LRRN4: variants seen among roughly 807,000 people sequenced by gnomAD.
LRRN4 encodes the protein leucine-rich repeat neuronal protein 4.
In LRRN4, 26 loss-of-function variants were observed where a neutral mutation model predicts 22.3. The observed-to-expected ratio is 1.16, with a 90% confidence interval of 0.85 to 1.62. The LOEUF (loss-of-function observed/expected upper bound fraction) is 1.62, where lower values mean the gene tolerates loss of function less well. Ranked by LOEUF, LRRN4 falls within the 40% of genes most tolerant of loss-of-function variation. The probability of loss-of-function intolerance (pLI) is 0.00; values close to 1 mark genes in which losing one functional copy is unlikely to be tolerated. For missense variants in LRRN4, 1,070 were observed against 1,008.5 expected, an observed-to-expected ratio of 1.06 and a Z score of -0.83; for synonymous variants, 496 against 486.2, an observed-to-expected ratio of 1.02 and a Z score of -0.26.
In LRRN4 at chr20:6,041,966, C is replaced by T. The variant is rs1371896486; in HGVS notation, c.1279G>A (p.Glu427Lys). 6.2e-7 allele frequency: 1 copy of T among 1,613,992 alleles called. No individual in the cohort carries two copies. The highest frequency in any genetic ancestry group is 8.5e-7 in the Non-Finnish European group (1 of 1,180,036). The change falls in exon 5 of 5, where the codon GAG becomes AAG. Residue 427 changes from glutamate to lysine, a missense_variant. Physicochemically the swap from Glu to Lys is moderately conservative, Grantham distance 56. Coordinates refer to ENST00000378858, the MANE Select transcript of LRRN4 (RefSeq NM_152611.5). This position sits in a 1 kb window ranked among gnomAD's most constrained non-coding sequence, Gnocchi z 9.4. ...IAAWPHSDAR[E>K]GTAPSTTNSV... The stretch of plus-strand genomic sequence containing the variant: ...TTGGTCGTGGAGGGGGCAGTCCCCT[C>T]CCGTGCATCGCTGTGCGGCCATGCA...
In LRRN4 at chr20:6,040,980, C is replaced by T. The variant is rs758901189; in HGVS notation, c.*42G>A. On this transcript the variant is annotated 3_prime_UTR_variant, in exon 5 of 5. Coordinates refer to ENST00000378858, the MANE Select transcript of LRRN4 (RefSeq NM_152611.5). Reference sequence around the variant, plus strand: ...GACCGTCTGTGTCTTCCTTTTTGCGCTCAGATCCAGTTCGATGAGACGCGT... The same window carrying T: ...GACCGTCTGTGTCTTCCTTTTTGCGTTCAGATCCAGTTCGATGAGACGCGT... 5 of 1,607,214 alleles carry T rather than the reference C, an allele frequency of 3.1e-6. No individual in the cohort carries two copies. Among genetic ancestry groups the T allele is most frequent in the Middle Eastern group, 1.7e-4 (1 of 6,012 alleles).
intron 4 of LRRN4, among the ~76,000 whole-genome samples, chr20:6,043,841 G>A (rs1367412772): frequency 6.6e-6 from 1 of 152,014 alleles, no homozygotes; most frequent in Non-Finnish European, 1.5e-5. Context: ...CCAGGAGGTT[G>A]AGGCTGTAAT....
chr20:6,048,905 A>G (rs548706982), intron 3 of LRRN4, among the ~76,000 whole-genome samples: 1 of 152,354 alleles, frequency 6.6e-6, no homozygotes, highest in Non-Finnish European at 1.5e-5. Flanking sequence ...ATAAGTGGAA[A>G]TAGGCAAGGA....
chr20:6,051,609 C>T (rs893056344), intron 2 of LRRN4, among the ~76,000 whole-genome samples: 1 of 152,224 alleles, frequency 6.6e-6, no homozygotes, highest in Non-Finnish European at 1.5e-5. Flanking sequence ...TCACCACTCT[C>T]CTGTGGCTTG....
chr20:6,044,420 G>T, intron 4 of LRRN4, 123 bp downstream of exon 4: 2 of 1,029,560 alleles, frequency 1.9e-6, no homozygotes, highest in Non-Finnish European at 2.6e-6. Context: ...CATGGGAAAG[G>T]CTGCCCAGCC....
chr20:6,045,488 A>C (rs1020269467), intron 3 of LRRN4, among the ~76,000 whole-genome samples: 16 of 148,538 alleles, frequency 1.1e-4, no homozygotes, highest in East Asian at 5.9e-4. Flanking sequence ...CACACACACA[A>C]AAAAGAATGC....
rs149199575 is a variant in LRRN4 at position 6,052,881 on chromosome 20, T to C, written c.-5-77A>G. The C allele has an allele frequency of 3.1e-3, 4,205 of 1,374,902 alleles. 71 individuals carry two copies. The African/African-American group carries it at 0.04, about 13-fold the overall frequency. The allele number at this position is 1,374,902 out of a possible 1,614,324, so 85.2% of individuals were successfully genotyped here. ...AAGAGTCAGATGCGCGTCCCAACCC[T>C]ACCTCCAGGGCTCTGAGGAGGAGCA... On this transcript the variant is annotated intron_variant, in intron 1 of 4. Transcript: ENST00000378858.
rs1030877055 is a variant in LRRN4, at chr20:6,041,551, C to T, written c.1694G>A (p.Arg565Gln). 8 of 1,551,990 alleles carry T rather than the reference C, an allele frequency of 5.2e-6. No homozygotes were observed. The highest frequency in any genetic ancestry group is 7.0e-6 in the Non-Finnish European group (8 of 1,147,974). The change falls in exon 5 of 5, where the codon CGG becomes CAG. Residue 565 changes from arginine to glutamine, a missense_variant. Arg to Gln is a conservative substitution (Grantham distance 43). Transcript: ENST00000378858. This position sits in a 1 kb window ranked among gnomAD's most constrained non-coding sequence, Gnocchi z 9.4. ...GAGGCCGGGGCACCGGCACCGCCAC[C>T]GCCTCTGCAGCTCCGCGCACGGGGT... ...LQTPCAELQR[R>Q]WRCRCPGLSG...
Position 6,042,178 on chromosome 20 carries a change from G to A in LRRN4, c.1067C>T (p.Ser356Phe). The change falls in exon 5 of 5, where the codon TCC (serine) becomes TTC (phenylalanine). Residue 356 changes from serine (S) to phenylalanine (F), a missense_variant. Coordinates refer to ENST00000378858, the MANE Select transcript of LRRN4 (RefSeq NM_152611.5). ...SGPFSASLSL[S>F]QLPGVCQSDQ... Reference sequence around the variant, plus strand: ...GGACTGGCACACTCCGGGCAGCTGGGAGAGTGACAGGGAGGCTGAGAAGGG... The same window carrying A: ...GGACTGGCACACTCCGGGCAGCTGGAAGAGTGACAGGGAGGCTGAGAAGGG... 1 of 1,614,116 alleles carries A rather than the reference G, an allele frequency of 6.2e-7. No homozygotes were observed. The highest frequency in any genetic ancestry group is 8.5e-7 in the Non-Finnish European group (1 of 1,180,004).
Position 6,052,145 on chromosome 20 carries a change from C to T in LRRN4, c.655G>A (p.Val219Ile), listed in dbSNP as rs1427636761. 6.3e-7 allele frequency: 1 copy of T among 1,590,822 alleles called. No individual in the cohort carries two copies. ...GAAAACGCGGGGCGCCCGGACTCAC[C>T]CCGTTCAAGGAACGTGCCGCTGAGA... Reference protein sequence around the residue: ...LDLSGTFLERVESGWIRDLPK... With the variant: ...LDLSGTFLERIESGWIRDLPK... Residue 219 changes from valine to isoleucine, a missense_variant and splice_region_variant, in exon 2 of 5, where the codon GTT becomes ATT. Val to Ile is a conservative substitution (Grantham distance 29, BLOSUM62 3). Coordinates refer to ENST00000378858, the MANE Select transcript of LRRN4 (RefSeq NM_152611.5).
chr20:6,044,689 C>T lies in LRRN4; in HGVS notation c.861-9G>A. The T allele has an allele frequency of 2.0e-6, 3 of 1,513,758 alleles. No homozygotes were observed. Among genetic ancestry groups the T allele is most frequent in the South Asian group, 1.4e-5 (1 of 73,830 alleles). The allele number at this position is 1,513,758 out of a possible 1,614,324, so 93.8% of individuals were successfully genotyped here. The stretch of plus-strand genomic sequence containing the variant: ...AGGAACTCAAGTTGCAGCTGAAATA[C>T]AAACAAAAAAATTAATTAAGTCAGG... On this transcript the variant is annotated splice_polypyrimidine_tract_variant and intron_variant, in intron 3 of 4. Transcript: ENST00000378858.
chr20:6,042,943 A>G (rs945207230), intron 4 of LRRN4, among the ~76,000 whole-genome samples: 3 of 149,980 alleles, frequency 2.0e-5, no homozygotes, highest in African/African-American at 7.4e-5. Context: ...AAAAATACTC[A>G]TACTAGCTAC....
chr20:6,041,275 G>A lies in LRRN4; in HGVS notation c.1970C>T (p.Ala657Val), dbSNP rs1431946703. The A allele has an allele frequency of 1.3e-6, 2 of 1,590,296 alleles. No homozygotes were observed. Among genetic ancestry groups the A allele is most frequent in the East Asian group, 2.2e-5 (1 of 44,548 alleles). Residue 657 changes from alanine to valine, a missense_variant, in exon 5 of 5, where the codon GCG becomes GTG. Coordinates refer to ENST00000378858, the MANE Select transcript of LRRN4 (RefSeq NM_152611.5). This position sits in a 1 kb window ranked among gnomAD's most constrained non-coding sequence, Gnocchi z 9.4. ...CGAAGACCGTGGCTGGCTCAAGCCC[G>A]CCCTGTTGGCCGCCAGCACGCACAC... ...YRVCVLAANR[A>V]GLSQPRSSGW... is the part of the protein sequence containing the mutation.
At position 6,052,722 on chromosome 20, in the gene LRRN4, C is replaced by T; in HGVS notation, c.78G>A (p.Pro26=). The change falls in exon 2 of 5, where the codon CCG becomes CCA. Residue 26 remains proline, a synonymous_variant. Transcript: ENST00000378858. ...GGCCCTGCTGAGTGACCCGGAAGAG[C>T]GGGACCTTCTCCTGGGGAGGGTCTG... is the stretch of plus-strand genomic sequence containing the variant. ...SWADPPQEKV[P]LFRVTQQGPW... The T allele has an allele frequency of 1.3e-6, 2 of 1,570,688 alleles. No homozygotes were observed. The highest frequency in any genetic ancestry group is 8.6e-7 in the Non-Finnish European group (1 of 1,165,856).
At chr20:6,049,582 C>G (rs1981196961) in intron 3 of LRRN4, among the ~76,000 whole-genome samples, 1 of 152,098 alleles carries the variant, frequency 6.6e-6, no homozygotes, top group Non-Finnish European at 1.5e-5. Flanking sequence ...CTCACTGCAA[C>G]CTCCACTTCC....
At chr20:6,053,410 A>G (rs1359593725) in intron 1 of LRRN4, among the ~76,000 whole-genome samples, 1 of 152,166 alleles carries the variant, frequency 6.6e-6, no homozygotes, top group Non-Finnish European at 1.5e-5. Flanking sequence ...AGCCCTGTGA[A>G]CCCTGGAGTC....
At chr20:6,051,441 G>A (rs959488360) in intron 2 of LRRN4, among the ~76,000 whole-genome samples, 18 of 152,238 alleles carry the variant, frequency 1.2e-4, no homozygotes, top group African/African-American at 3.9e-4. Context: ...CTAATACATG[G>A]AGAACGTGCC....
At position 6,042,200 on chromosome 20, in the gene LRRN4, A is replaced by T. The variant is rs540567438; in HGVS notation, c.1045T>A (p.Phe349Ile). Residue 349 changes from phenylalanine to isoleucine, a missense_variant, in exon 5 of 5, where the codon TTC (phenylalanine) becomes ATC (isoleucine). Coordinates refer to ENST00000378858, the MANE Select transcript of LRRN4 (RefSeq NM_152611.5). Reference sequence around the variant, plus strand: ...TGGGAGAGTGACAGGGAGGCTGAGAAGGGGCCGCTGGATCCCGCAGCTGGC... The same window carrying T: ...TGGGAGAGTGACAGGGAGGCTGAGATGGGGCCGCTGGATCCCGCAGCTGGC... ...CAPAAGSSGPFSASLSLSQLP... is the reference protein window; with the variant it reads ...CAPAAGSSGPISASLSLSQLP... 1 of 1,613,872 alleles carries T rather than the reference A, an allele frequency of 6.2e-7. No individual in the cohort carries two copies. Among genetic ancestry groups the T allele is most frequent in the Admixed American group, 1.7e-5 (1 of 60,008 alleles).
chr20:6,052,015 T>C (rs1342843779), intron 2 of LRRN4, 130 bp downstream of exon 2: 1 of 1,171,906 alleles, frequency 8.5e-7, no homozygotes, highest in African/African-American at 1.6e-5. Context: ...GCTGGTGTCT[T>C]TTTGAACCCT....
Sources: gnomAD v4.1 joint callset for allele counts (sites outside exome capture counted in the v4.1 genomes callset) on GRCh38, gnomAD v4.1.1 for gene constraint, Gnocchi (gnomAD v3.1) non-coding constraint, MANE v1.5 for transcripts, NCBI Gene and HGNC (gene_info 2026-07-23, HGNC 2026-07-21) for gene names.